PRDM16: variants seen among roughly 807,000 people sequenced by gnomAD.
PRDM16 encodes the protein PR/SET domain 16, also known as histone-lysine N-methyltransferase PRDM16.
In PRDM16, 23 loss-of-function variants were observed where a neutral mutation model predicts 110.6. That is an observed-to-expected ratio of 0.21 (90% CI 0.15 to 0.29). The LOEUF is 0.29. PRDM16 is among the 10% of genes least tolerant of loss of function. The probability of loss-of-function intolerance (pLI) is 1.00; values close to 1 mark genes in which losing one functional copy is unlikely to be tolerated. For missense variants in PRDM16, 1,615 were observed against 1,794.3 expected (o/e 0.90, Z 1.81); for synonymous variants, 799 against 781.8 (o/e 1.02, Z -0.37).
At chr1:3,354,933 G>A (rs1188374024) in intron 3 of PRDM16, among the ~76,000 whole-genome samples, 2 of 152,216 alleles carry the variant, frequency 1.3e-5, no homozygotes, top group Admixed American at 1.3e-4. Flanking sequence ...GTCTGCACCT[G>A]CTGAAGGGAG....
intron 6 of PRDM16, among the ~76,000 whole-genome samples, chr1:3,404,181 C>G (rs1485413198): frequency 6.6e-6 from 1 of 152,210 alleles, no homozygotes; most frequent in African/African-American, 2.4e-5. Flanking sequence ...AGCCGGGGGT[C>G]CCCCAAGAGC....
intron 1 of PRDM16, among the ~76,000 whole-genome samples, chr1:3,184,638 A>G (rs932635314): frequency 6.6e-6 from 1 of 152,108 alleles, no homozygotes; most frequent in African/African-American, 2.4e-5. Context: ...TGAGCCGTTC[A>G]CCCAGCAGTG....
chr1:3,364,667 G>A (rs555071596), intron 3 of PRDM16, among the ~76,000 whole-genome samples: 40 of 152,326 alleles, frequency 2.6e-4, no homozygotes, highest in Non-Finnish European at 3.7e-4. Context: ...ATTTGCTGCC[G>A]GGCAGTGACT....
At chr1:3,144,966 G>A (rs917544726) in intron 1 of PRDM16, among the ~76,000 whole-genome samples, 13 of 152,294 alleles carry the variant, frequency 8.5e-5, no homozygotes, top group African/African-American at 2.4e-4. Context: ...ACCCCTGTGC[G>A]GCTTCAGGTG....
At chr1:3,404,635 T>G in intron 6 of PRDM16, 104 bp from the exon 7 acceptor site, 1 of 1,388,210 alleles carries the variant, frequency 7.2e-7, no homozygotes, top group Non-Finnish European at 9.9e-7. Context: ...GGCAGCGTGG[T>G]GGGGGCTCCG....
In PRDM16 at chr1:3,370,943, C is replaced by T. The variant is rs1354888340; in HGVS notation, c.439-14209C>T. 6.6e-6 allele frequency among the ~76,000 whole-genome samples: 1 copy of T among 151,208 alleles called. No homozygotes were observed. Among genetic ancestry groups the T allele is most frequent in the African/African-American group, 2.4e-5 (1 of 41,066 alleles). ...GCATCCACTGAATAATCCACCCATT[C>T]ATCCATTCACCATCCATCGATTCAT... On this transcript the variant is annotated intron_variant, in intron 3 of 16. Coordinates refer to ENST00000270722, the MANE Select transcript of PRDM16 (RefSeq NM_022114.4). This position sits in a 1 kb window ranked among gnomAD's most constrained non-coding sequence, Gnocchi z 4.8.
intron 12 of PRDM16, among the ~76,000 whole-genome samples, chr1:3,419,151 C>T (rs956262562): frequency 6.6e-5 from 10 of 152,220 alleles, no homozygotes; most frequent in African/African-American, 2.2e-4. Context: ...GCCATAGCTG[C>T]CCCCACACCC....
At chr1:3,248,011 C>T (rs1027346082) in intron 3 of PRDM16, among the ~76,000 whole-genome samples, 8 of 152,142 alleles carry the variant, frequency 5.3e-5, no homozygotes, top group Non-Finnish European at 2.9e-5. Flanking sequence ...GAGAGCCCGC[C>T]GGAGCCGGTA....
At chr1:3,369,679 G>A (rs1642876503) in intron 3 of PRDM16, among the ~76,000 whole-genome samples, 1 of 152,236 alleles carries the variant, frequency 6.6e-6, no homozygotes, top group Non-Finnish European at 1.5e-5. Context: ...CCATTTGGAG[G>A]AAAAGCATGT....
In PRDM16 at chr1:3,294,963, A is replaced by G. The variant is rs189712548; in HGVS notation, c.438+50826A>G. ...CGGTGTCAGGCCCCGTCTCAGGGAC[A>G]TCTTCCCCCGCCTGGTCACTGCAGG... On this transcript the variant is annotated intron_variant, in intron 3 of 16. Coordinates refer to ENST00000270722, the MANE Select transcript of PRDM16 (RefSeq NM_022114.4). 5.9e-3 allele frequency among the ~76,000 whole-genome samples: 892 copies of G among 152,328 alleles called. 12 individuals are homozygous for G. The highest frequency in any genetic ancestry group is 0.02 in the African/African-American group (814 of 41,568).
At chr1:3,191,700 A>T (rs1347674061) in intron 2 of PRDM16, among the ~76,000 whole-genome samples, 1 of 152,168 alleles carries the variant, frequency 6.6e-6, no homozygotes, top group East Asian at 1.9e-4. Flanking sequence ...GAAATGAGAA[A>T]TACATTTGCA....
At chr1:3,329,734 G>C (rs572233341) in intron 3 of PRDM16, among the ~76,000 whole-genome samples, 1 of 152,234 alleles carries the variant, frequency 6.6e-6, no homozygotes, top group Non-Finnish European at 1.5e-5. Context: ...ACATTCACAG[G>C]AGAGTGGGCA....
In PRDM16 at chr1:3,398,915, G is replaced by A. The variant is rs530493395; in HGVS notation, c.676+2322G>A. Among the ~76,000 whole-genome samples the A allele has an allele frequency of 8.7e-3, 1,330 of 152,324 alleles. 15 individuals carry two copies. Among genetic ancestry groups the A allele is most frequent in the African/African-American group, 0.031 (1,275 of 41,564 alleles). ...TTCAGGTAGTGAAGAAGACACAGGA[G>A]ACCCTTGGGGGCCAGCCCGCTTCGG... On this transcript the variant is annotated intron_variant, in intron 5 of 16. Transcript: ENST00000270722.
At chr1:3,228,076 G>A (rs1428795413) in intron 2 of PRDM16, among the ~76,000 whole-genome samples, 4 of 152,250 alleles carry the variant, frequency 2.6e-5, no homozygotes, top group African/African-American at 4.8e-5. Flanking sequence ...CGCCAGTGGC[G>A]AGGCTGTCCC....
Position 3,167,270 on chromosome 1 carries a change from G to A in PRDM16, c.38-18855G>A, listed in dbSNP as rs570587337. Among the ~76,000 whole-genome samples, 11 of 152,250 alleles carry A rather than the reference G, an allele frequency of 7.2e-5. No individual in the cohort carries two copies. The South Asian group carries it at 1.7e-3, about 23-fold the overall frequency. On this transcript the variant is annotated intron_variant, in intron 1 of 16. Transcript: ENST00000270722. ...ACAAAGCCCAGCAGTTGCCCTTTAC[G>A]TGAGAGGAATTTCTGAAAACGACCC...
chr1:3,075,814 G>T (rs1440173785), intron 1 of PRDM16, among the ~76,000 whole-genome samples: 1 of 152,322 alleles, frequency 6.6e-6, no homozygotes, highest in East Asian at 1.9e-4. Context: ...TTTTCATTCT[G>T]GCCTGAACCC....
At chr1:3,207,549 T>C (rs1638781768) in intron 2 of PRDM16, 1 of 152,288 alleles carries the variant, frequency 6.6e-6, no homozygotes. Flanking sequence ...TGGCCTCTTC[T>C]TGCCCTGTGC....
rs577696140 is a variant in PRDM16, at chr1:3,256,368, G to A, written c.438+12231G>A. 7.9e-5 allele frequency among the ~76,000 whole-genome samples: 12 copies of A among 152,274 alleles called. 1 individual carries two copies. The highest frequency in any genetic ancestry group is 2.6e-4 in the Admixed American group (4 of 15,296). Reference sequence around the variant, plus strand: ...TCCACGCCCCATTCTACATTCATGCGTAACCATGACCCCTCAGGTCAGCTG... The same window carrying A: ...TCCACGCCCCATTCTACATTCATGCATAACCATGACCCCTCAGGTCAGCTG... On this transcript the variant is annotated intron_variant, in intron 3 of 16. Transcript: ENST00000270722.
At chr1:3,237,529 A>T (rs1639564948) in intron 2 of PRDM16, among the ~76,000 whole-genome samples, 1 of 152,206 alleles carries the variant, frequency 6.6e-6, no homozygotes, top group South Asian at 2.1e-4. Flanking sequence ...TATTTTTTAA[A>T]TGTCTCCAAG....
Sources: allele counts gnomAD v4.1 joint callset (sites outside exome capture counted in the v4.1 genomes callset), GRCh38; gene constraint gnomAD v4.1.1; non-coding constraint Gnocchi (gnomAD v3.1); transcripts MANE v1.5; gene names NCBI Gene and HGNC (gene_info 2026-07-23, HGNC 2026-07-21).